The following CDKN2B-AS1 variants were observed in gnomAD, a reference collection of about 807,000 sequenced individuals.
The protein encoded by CDKN2B-AS1 is CDKN2B and CDKN2A antisense cis and trans regulatory RNA 1.
chr9:22,102,644 T>C (rs2131357764), intron 4 of CDKN2B-AS1, among the ~76,000 whole-genome samples: 1 of 152,280 alleles, frequency 6.6e-6, no homozygotes, highest in East Asian at 1.9e-4. Context: ...TAGTCTCTCC[T>C]TTAGGCTGTT....
chr9:22,108,640 C>T (rs951736123), intron 4 of CDKN2B-AS1, among the ~76,000 whole-genome samples: 1 of 152,166 alleles, frequency 6.6e-6, no homozygotes, highest in African/African-American at 2.4e-5. Context: ...TGGTGTACAA[C>T]TCATCCTTTT....
chr9:22,019,674 G>C (rs518394), intron 1 of CDKN2B-AS1, among the ~76,000 whole-genome samples: 44,889 of 152,002 alleles, frequency 0.3, 8,575 homozygotes, highest in Non-Finnish European at 0.44. Flanking sequence ...TCAGGGAGGA[G>C]TGTGTATCCC....
At chr9:22,114,548 C>G (rs946108793) in intron 4 of CDKN2B-AS1, among the ~76,000 whole-genome samples, 1 of 152,194 alleles carries the variant, frequency 6.6e-6, no homozygotes, top group Admixed American at 6.5e-5. Context: ...GATTTCAATT[C>G]TAAGAACGTT....
intron 1 of CDKN2B-AS1, among the ~76,000 whole-genome samples, chr9:22,021,118 T>A (rs1821998888): frequency 6.6e-6 from 1 of 152,212 alleles, no homozygotes; most frequent in South Asian, 2.1e-4. Context: ...CCAGCACCAT[T>A]TATTGAATAG....
At chr9:22,038,340 TTTAA>T (rs1162460505) in intron 1 of CDKN2B-AS1, among the ~76,000 whole-genome samples, 3 of 151,984 alleles carry the variant, frequency 2.0e-5, no homozygotes, top group Non-Finnish European at 1.5e-5. Flanking sequence ...CATTAATTTA[TTTAA>T]TTATTTACTC....
At chr9:22,121,202 A>G (rs1033874790) in intron 4 of CDKN2B-AS1, 3 of 152,132 alleles carry the variant, frequency 2.0e-5, no homozygotes, top group African/African-American at 4.8e-5. Context: ...TTTAAAAAAA[A>G]GAGGAAATAG....
chr9:22,012,479 A>T, intron 1 of CDKN2B-AS1: 2 of 688,436 alleles, frequency 2.9e-6, no homozygotes, highest in East Asian at 5.9e-5. Flanking sequence ...CTATGCTGTC[A>T]ATTGCCGCAA....
chr9:22,094,289 A>G (rs1825199883), intron 4 of CDKN2B-AS1, among the ~76,000 whole-genome samples: 1 of 143,356 alleles, frequency 7.0e-6, no homozygotes, highest in African/African-American at 3.0e-5. Flanking sequence ...TCCGACAATT[A>G]TGTGTCTTGG....
intron 1 of CDKN2B-AS1, chr9:22,009,161 C>T (rs1221521076): frequency 8.8e-6 from 6 of 683,262 alleles, no homozygotes; most frequent in Non-Finnish European, 2.5e-6. Flanking sequence ...CGGGCTTTTC[C>T]TGGCGCTCAA....
At chr9:22,085,199 AG>A (rs1234959646) in intron 4 of CDKN2B-AS1, among the ~76,000 whole-genome samples, 2 of 152,196 alleles carry the variant, frequency 1.3e-5, no homozygotes, top group African/African-American at 4.8e-5. Flanking sequence ...AGGAGAAAAA[AG>A]TTTATCAGTT....
chr9:22,071,922 G>A (rs1340226834), intron 4 of CDKN2B-AS1, among the ~76,000 whole-genome samples: 2 of 152,106 alleles, frequency 1.3e-5, no homozygotes, highest in South Asian at 2.1e-4. Flanking sequence ...TTTAATCTAG[G>A]ACATGTGGAA....
chr9:22,034,890 T>G (rs1157028534), intron 1 of CDKN2B-AS1, among the ~76,000 whole-genome samples: 1 of 152,182 alleles, frequency 6.6e-6, no homozygotes, highest in Non-Finnish European at 1.5e-5. Flanking sequence ...TTTGCTAACC[T>G]GTGGTATAGT....
chr9:22,050,915 C>T (rs1748487507), intron 3 of CDKN2B-AS1, among the ~76,000 whole-genome samples: 1 of 152,184 alleles, frequency 6.6e-6, no homozygotes, highest in African/African-American at 2.4e-5. Flanking sequence ...GACAAGCAAA[C>T]AGCAGAAAGA....
chr9:22,104,409 C>T (rs72652487), intron 4 of CDKN2B-AS1, among the ~76,000 whole-genome samples: 1 of 152,148 alleles, frequency 6.6e-6, no homozygotes, highest in Non-Finnish European at 1.5e-5. Flanking sequence ...ATTTCACTTG[C>T]CCAAGTGAGG....
At chr9:22,027,304 C>G (rs1231868574) in intron 1 of CDKN2B-AS1, among the ~76,000 whole-genome samples, 1 of 151,886 alleles carries the variant, frequency 6.6e-6, no homozygotes, top group African/African-American at 2.4e-5. Flanking sequence ...AATTCTAGGT[C>G]CAGCTCTTCC....
chr9:22,051,556 T>G (rs1391704656), intron 3 of CDKN2B-AS1, among the ~76,000 whole-genome samples: 1 of 152,192 alleles, frequency 6.6e-6, no homozygotes, highest in Admixed American at 6.6e-5. Context: ...GGCAGTTATA[T>G]ACAATGTTTC....
At chr9:22,042,896 G>A (rs969549411) in intron 1 of CDKN2B-AS1, among the ~76,000 whole-genome samples, 6 of 152,098 alleles carry the variant, frequency 3.9e-5, no homozygotes, top group African/African-American at 1.4e-4. Context: ...ATGTATGACT[G>A]AGTGATGTGT....
intron 1 of CDKN2B-AS1, among the ~76,000 whole-genome samples, chr9:22,042,557 C>G (rs570411677): frequency 1.9e-4 from 29 of 152,172 alleles, no homozygotes; most frequent in African/African-American, 5.8e-4. Flanking sequence ...AAATCCCACC[C>G]TCCCTGAAGT....
chr9:22,055,059 A>G (rs1823501200), intron 3 of CDKN2B-AS1, among the ~76,000 whole-genome samples: 1 of 152,160 alleles, frequency 6.6e-6, no homozygotes, highest in African/African-American at 2.4e-5. Context: ...AGCCTGCCTG[A>G]TTTTTAAAAT....
Sources: gnomAD v4.1 joint callset for allele counts (sites outside exome capture counted in the v4.1 genomes callset) on GRCh38, gnomAD v4.1.1 for gene constraint, MANE v1.5 for transcripts, NCBI Gene and HGNC (gene_info 2026-07-23, HGNC 2026-07-21) for gene names.